The following EML1 variants were observed in gnomAD, a reference collection of about 807,000 sequenced individuals.
The protein encoded by EML1 is EMAP like 1.
Under a neutral mutation model 110.4 loss-of-function variants are expected in EML1, and 27 were observed. The observed-to-expected ratio is 0.24, with a 90% CI of 0.18 to 0.34. The LOEUF (loss-of-function observed/expected upper bound fraction) is 0.34, where lower values mean the gene tolerates loss of function less well. Among genes scored for constraint, EML1 ranks in the 10% least tolerant of loss-of-function variants. The probability of loss-of-function intolerance (pLI) is 1.00; values close to 1 mark genes in which losing one functional copy is unlikely to be tolerated. For synonymous variants in EML1, 344 were observed against 385.8 expected (o/e 0.89, Z 1.27); for missense variants, 741 against 1,030.9 (o/e 0.72, Z 3.85).
chr14:99,769,186 T>C (rs200623587), upstream of EML1, among the ~76,000 whole-genome samples: 1 of 152,160 alleles, frequency 6.6e-6, no homozygotes. Flanking sequence ...TCAGCCAGCC[T>C]CTGAGCCCCA....
intron 1 of EML1, among the ~76,000 whole-genome samples, chr14:99,848,642 G>C (rs939252951): frequency 6.6e-6 from 1 of 151,946 alleles, no homozygotes; most frequent in African/African-American, 2.4e-5. Flanking sequence ...AATCCTGTAA[G>C]ACAATATTTT....
chr14:99,820,912 A>G (rs2058250137), intron 1 of EML1, among the ~76,000 whole-genome samples: 1 of 152,092 alleles, frequency 6.6e-6, no homozygotes, highest in Non-Finnish European at 1.5e-5. Context: ...ACACTTTCTA[A>G]CAGTGGAACC....
chr14:99,903,784 C>CTT (rs202121563), intron 9 of EML1, among the ~76,000 whole-genome samples: 33,380 of 141,232 alleles, frequency 0.24, 4,919 homozygotes, highest in Non-Finnish European at 0.31. Flanking sequence ...TAAATCTATT[C>CTT]ATTTTTTTTT....
At chr14:99,773,803 A>G (rs1184039047) in exon 1 of EML1, 2 of 152,236 alleles carry the variant, frequency 1.3e-5, no homozygotes, top group African/African-American at 4.8e-5. Flanking sequence ...CTGGGACCTG[A>G]GACTCATTAG....
chr14:99,908,885 A>G (rs867896093), intron 10 of EML1, among the ~76,000 whole-genome samples: 1 of 152,140 alleles, frequency 6.6e-6, no homozygotes, highest in Non-Finnish European at 1.5e-5. Context: ...TGGAGATGAC[A>G]TTTACCAGAT....
intron 1 of EML1, among the ~76,000 whole-genome samples, chr14:99,811,218 A>G (rs181037167): frequency 1.5e-4 from 22 of 147,212 alleles, no homozygotes; most frequent in South Asian, 6.5e-4. Context: ...GTCTCGCTCT[A>G]TCACCCAGGC....
intron 4 of EML1, among the ~76,000 whole-genome samples, chr14:99,889,873 A>C (rs2059556724): frequency 6.6e-6 from 1 of 152,228 alleles, no homozygotes; most frequent in Admixed American, 6.5e-5. Context: ...TTAGGAAACT[A>C]AGCCTATAGC....
At chr14:99,744,983 C>G (rs991916150) in intron 1 of EML1, among the ~76,000 whole-genome samples, 1 of 152,128 alleles carries the variant, frequency 6.6e-6, no homozygotes, top group Non-Finnish European at 1.5e-5. Flanking sequence ...GTTTTCTTCA[C>G]TCTAATACAG....
At chr14:99,793,748 C>T (rs1329911577) in intron 1 of EML1, among the ~76,000 whole-genome samples, 6 of 146,864 alleles carry the variant, frequency 4.1e-5, no homozygotes, top group Non-Finnish European at 9.1e-5. Flanking sequence ...CTCCGGGCCG[C>T]CCCGGGCTCC....
chr14:99,867,404 G>A (rs958627903), intron 3 of EML1, among the ~76,000 whole-genome samples: 1 of 152,126 alleles, frequency 6.6e-6, no homozygotes, highest in African/African-American at 2.4e-5. Context: ...CATTAAATCT[G>A]CATATCACTT....
At chr14:99,847,937 T>C (rs2058731929) in intron 1 of EML1, among the ~76,000 whole-genome samples, 1 of 152,066 alleles carries the variant, frequency 6.6e-6, no homozygotes. Context: ...TGGGTTTTGC[T>C]TTTTTAAAAA....
intron 4 of EML1, among the ~76,000 whole-genome samples, chr14:99,889,259 C>T (rs992547722): frequency 7.2e-5 from 11 of 152,140 alleles, no homozygotes; most frequent in African/African-American, 2.2e-4. Context: ...GTGTGTGCCC[C>T]GGGGAGAGGC....
chr14:99,901,726 A>G (rs1464387586), intron 9 of EML1, among the ~76,000 whole-genome samples: 2 of 152,142 alleles, frequency 1.3e-5, no homozygotes. Context: ...TCTTGTCGCC[A>G]TCTTGGTTTT....
intron 1 of EML1, among the ~76,000 whole-genome samples, chr14:99,757,261 C>G (rs1415656413): frequency 1.3e-5 from 2 of 152,068 alleles, no homozygotes; most frequent in Non-Finnish European, 2.9e-5. Context: ...ATCACTTGAA[C>G]CCGGGAGGTG....
chr14:99,923,493 C>T (rs2060165698), intron 17 of EML1, among the ~76,000 whole-genome samples: 1 of 57,638 alleles, frequency 1.7e-5, no homozygotes, highest in Non-Finnish European at 2.8e-5. Context: ...GAAGGAAGAG[C>T]CTGTTTGCTC....
chr14:99,920,727 A>G (rs1595483573), intron 16 of EML1, 62 bp from the exon 17 acceptor site: 1 of 1,304,710 alleles, frequency 7.7e-7, no homozygotes, highest in Admixed American at 2.0e-5. Flanking sequence ...TCATCCCACT[A>G]TTATATAATC....
At chr14:99,903,815 ACT>A (rs1405941542) in intron 9 of EML1, among the ~76,000 whole-genome samples, 1 of 138,118 alleles carries the variant, frequency 7.2e-6, no homozygotes, top group Non-Finnish European at 1.5e-5. Flanking sequence ...ACAGAGTCTC[ACT>A]CTGTCACCCA....
At chr14:99,857,169 G>A (rs1292604771) in intron 2 of EML1, among the ~76,000 whole-genome samples, 1 of 152,068 alleles carries the variant, frequency 6.6e-6, no homozygotes, top group Admixed American at 6.6e-5. Flanking sequence ...CTATGCTGGT[G>A]GCCAAGGCAG....
At chr14:99,788,201 C>T (rs984854863) in intron 1 of EML1, among the ~76,000 whole-genome samples, 1 of 152,176 alleles carries the variant, frequency 6.6e-6, no homozygotes, top group Non-Finnish European at 1.5e-5. Flanking sequence ...AATCCTTCCA[C>T]CTAGCTTTGT....
Sources: gnomAD v4.1 joint callset for allele counts (sites outside exome capture counted in the v4.1 genomes callset) on GRCh38, gnomAD v4.1.1 for gene constraint, MANE v1.5 for transcripts, NCBI Gene and HGNC (gene_info 2026-07-23, HGNC 2026-07-21) for gene names.